MED13: variants seen among roughly 807,000 people sequenced by gnomAD.
MED13 encodes the protein mediator of RNA polymerase II transcription subunit 13.
Under a neutral mutation model 225.2 loss-of-function variants are expected in MED13, and 23 were observed. The ratio of observed to expected loss-of-function variants is 0.10; its 90% CI spans 0.07 to 0.14. The LOEUF (loss-of-function observed/expected upper bound fraction) is 0.14. MED13 is among the 10% of genes least tolerant of loss of function. The pLI is 1.00. For synonymous variants in MED13, 942 were observed against 889.2 expected, an observed-to-expected ratio of 1.06 and a Z score of -1.06; for missense variants, 2,197 against 2,594.5, an observed-to-expected ratio of 0.85 and a Z score of 3.33.
Position 61,960,883 on chromosome 17 carries a change from T to C in MED13, c.5464A>G (p.Ile1822Val). ...TACAAATACCTATTTGGAACATCGA[T>C]GTTAATGATACAAGTTTCTAAAAGT... Reference protein sequence around the residue: ...GELLETCIINIDVPNRARRKK... With the variant: ...GELLETCIINVDVPNRARRKK... The change falls in exon 23 of 30, where the codon ATC (isoleucine) becomes GTC (valine). Residue 1822 changes from isoleucine to valine, a missense_variant. Transcript: ENST00000397786. 6.2e-7 allele frequency: 1 copy of C among 1,605,130 alleles called. No homozygotes were observed. Among genetic ancestry groups the C allele is most frequent in the Non-Finnish European group, 8.5e-7 (1 of 1,172,924 alleles).
intron 9 of MED13, among the ~76,000 whole-genome samples, chr17:61,997,815 C>A (rs1203887602): frequency 6.6e-6 from 1 of 152,072 alleles, no homozygotes; most frequent in East Asian, 1.9e-4. Flanking sequence ...TGTCCTCTGG[C>A]AGAAGTATAA....
chr17:61,953,206 A>C, intron 26 of MED13, 93 bp from the exon 27 acceptor site: 1 of 1,294,524 alleles, frequency 7.7e-7, no homozygotes, highest in Non-Finnish European at 1.0e-6. Flanking sequence ...AATTTTAACC[A>C]AAATGGGTTA....
In MED13 at chr17:62,026,272, G is replaced by A. The variant is rs183004151; in HGVS notation, c.1283+3269C>T. 6.6e-5 allele frequency among the ~76,000 whole-genome samples: 10 copies of A among 152,070 alleles called. 1 individual carries two copies. The East Asian group carries it at 1.9e-3, about 29-fold the overall frequency. ...TAAATAAATTTCTAAAGAATTCCAC[G>A]TTCATCTATTCTTCTACCAATCATT... On this transcript the variant is annotated intron_variant, in intron 8 of 29. Transcript: ENST00000397786.
At chr17:61,962,174 T>C (rs1031700731) in intron 21 of MED13, among the ~76,000 whole-genome samples, 2 of 152,076 alleles carry the variant, frequency 1.3e-5, no homozygotes, top group Non-Finnish European at 2.9e-5. Flanking sequence ...TAGTCCCAGC[T>C]ACTCAGGAGG....
rs765226143 is a variant in MED13, at chr17:61,960,885, T to C, written c.5462A>G (p.Asn1821Ser). The change falls in exon 23 of 30, where the codon AAC (asparagine) becomes AGC (serine). Residue 1821 changes from asparagine (N) to serine (S), a missense_variant. Asn to Ser is a conservative substitution (Grantham distance 46). Around this residue, in one of 12 missense-constraint regions of MED13, gnomAD observed 78 missense variants for 82.1 expected, o/e 0.95. Coordinates refer to ENST00000397786, the MANE Select transcript of MED13 (RefSeq NM_005121.3). ...CAAATACCTATTTGGAACATCGATG[T>C]TAATGATACAAGTTTCTAAAAGTTC... ...YGELLETCIINIDVPNRARRK... is the reference protein window; with the variant it reads ...YGELLETCIISIDVPNRARRK... The C allele has an allele frequency of 6.2e-7, 1 of 1,606,598 alleles. No homozygotes were observed. Among genetic ancestry groups the C allele is most frequent in the African/African-American group, 1.3e-5 (1 of 74,894 alleles).
chr17:62,011,302 T>C (rs954347134), intron 8 of MED13, 69 bp from the exon 9 acceptor site: 17 of 1,353,806 alleles, frequency 1.3e-5, no homozygotes, highest in Non-Finnish European at 1.7e-5. Context: ...TACCAGTTAA[T>C]AGTATTAGAC....
intron 20 of MED13, among the ~76,000 whole-genome samples, chr17:61,963,856 C>G (rs2080029445): frequency 1.3e-5 from 2 of 152,114 alleles, no homozygotes; most frequent in Admixed American, 1.3e-4. Flanking sequence ...AAGGGAAGAT[C>G]AAAACCTTCA....
chr17:62,059,987 T>C (rs545558485), intron 2 of MED13, among the ~76,000 whole-genome samples: 2 of 152,276 alleles, frequency 1.3e-5, no homozygotes, highest in East Asian at 3.9e-4. Context: ...CACTTCACTT[T>C]GATAAATTTT....
intron 2 of MED13, among the ~76,000 whole-genome samples, chr17:62,061,663 T>A (rs1355373441): frequency 6.6e-6 from 1 of 152,194 alleles, no homozygotes; most frequent in African/African-American, 2.4e-5. Context: ...AAATACTATA[T>A]CCAAAACAAT....
intron 9 of MED13, among the ~76,000 whole-genome samples, chr17:62,002,034 T>A (rs934973760): frequency 6.6e-6 from 1 of 151,970 alleles, no homozygotes; most frequent in African/African-American, 2.4e-5. Flanking sequence ...AAAATAATAA[T>A]AGATATTTAC....
At chr17:62,016,121 A>AT (rs1227832926) in intron 8 of MED13, among the ~76,000 whole-genome samples, 66 of 139,592 alleles carry the variant, frequency 4.7e-4, no homozygotes, top group South Asian at 1.4e-3. Flanking sequence ...GTAAAAGAGC[A>AT]TTTTTTTTTT....
chr17:61,952,291 A>G (rs915113349), intron 27 of MED13, among the ~76,000 whole-genome samples: 1 of 152,196 alleles, frequency 6.6e-6, no homozygotes, highest in Non-Finnish European at 1.5e-5. Context: ...CATAACTGCT[A>G]AAGATAAAAA....
chr17:61,984,329 A>T lies in MED13; in HGVS notation c.2730T>A (p.Ile910=). The change falls in exon 15 of 30, where the codon ATT becomes ATA. Residue 910 remains isoleucine (I), a synonymous_variant. Coordinates refer to ENST00000397786, the MANE Select transcript of MED13 (RefSeq NM_005121.3). ...GTGCAAACATGGAACATCCCACTAG[A>T]ATTTGACAATTTTCAGGCTTATAGA... is the stretch of plus-strand genomic sequence containing the variant. ...SYVYKPENCQ[I]LVGCSMFAPL... 1.9e-6 allele frequency: 3 copies of T among 1,598,246 alleles called. No individual in the cohort carries two copies. The highest frequency in any genetic ancestry group is 2.6e-6 in the Non-Finnish European group (3 of 1,174,934).
chr17:62,062,229 C>A (rs1169472066), intron 2 of MED13, among the ~76,000 whole-genome samples: 2 of 152,144 alleles, frequency 1.3e-5, no homozygotes, highest in Non-Finnish European at 2.9e-5. Flanking sequence ...TAGCATACAA[C>A]CAATCATTTA....
At chr17:62,058,311 C>G (rs1338486246) in intron 2 of MED13, among the ~76,000 whole-genome samples, 4 of 151,926 alleles carry the variant, frequency 2.6e-5, no homozygotes, top group Non-Finnish European at 4.4e-5. Flanking sequence ...GCCAGGAGTT[C>G]CAGACCAGCC....
At chr17:61,993,255 G>A (rs2080317847) in intron 10 of MED13, among the ~76,000 whole-genome samples, 1 of 129,414 alleles carries the variant, frequency 7.7e-6, no homozygotes, top group Non-Finnish European at 1.6e-5. Context: ...ACGCTAGAGT[G>A]CAGTGGCATG....
chr17:62,049,043 T>C (rs2080928588), intron 3 of MED13, among the ~76,000 whole-genome samples: 1 of 130,676 alleles, frequency 7.7e-6, no homozygotes, highest in African/African-American at 3.1e-5. Context: ...AGGAAACTAC[T>C]CTCAGGTTGG....
At chr17:62,033,022 C>A (rs942104427) in intron 5 of MED13, among the ~76,000 whole-genome samples, 3 of 151,992 alleles carry the variant, frequency 2.0e-5, no homozygotes, top group African/African-American at 4.8e-5. Context: ...TGGTGGCATG[C>A]GCCTGTAATC....
At chr17:61,991,909 G>A (rs563407084) in intron 11 of MED13, among the ~76,000 whole-genome samples, 50 of 152,312 alleles carry the variant, frequency 3.3e-4, no homozygotes, top group Non-Finnish European at 5.1e-4. Context: ...GCCTCCCAAA[G>A]TGCTGGGATT....
Sources: allele counts gnomAD v4.1 joint callset (sites outside exome capture counted in the v4.1 genomes callset), GRCh38; gene constraint gnomAD v4.1.1; regional missense constraint gnomAD v4.1.1; transcripts MANE v1.5; gene names NCBI Gene and HGNC (gene_info 2026-07-23, HGNC 2026-07-21).